The following BCO2 variants were observed in gnomAD, a reference collection of about 807,000 sequenced individuals.
BCO2 encodes the protein carotenoid-cleaving dioxygenase, mitochondrial.
BCO2 carries 56 observed loss-of-function variants against 65.8 expected under a neutral mutation model. The ratio of observed to expected loss-of-function variants is 0.85; its 90% CI spans 0.69 to 1.06. The LOEUF (loss-of-function observed/expected upper bound fraction) is 1.06, where lower values mean the gene tolerates loss of function less well. Among genes scored for constraint, BCO2 ranks in the 50% least tolerant of loss-of-function variants. The pLI, the probability that BCO2 is intolerant of heterozygous loss-of-function variation, is 0.00. For synonymous variants in BCO2, 233 were observed against 242.3 expected (o/e 0.96, Z 0.36); for missense variants, 675 against 698.5 (o/e 0.97, Z 0.38).
intron 8 of BCO2, among the ~76,000 whole-genome samples, chr11:112,205,601 C>T (rs542690706): frequency 1.0e-4 from 15 of 150,614 alleles, no homozygotes; most frequent in African/African-American, 2.7e-4. Context: ...TCTACAGGTG[C>T]GTGGCACCAC....
Position 112,216,200 on chromosome 11 carries a change from G to A in BCO2, c.1516-20G>A. On this transcript the variant is annotated intron_variant, in intron 10 of 11. Coordinates refer to ENST00000357685, the MANE Select transcript of BCO2 (RefSeq NM_031938.7). ...ACTTACTACTTGCCTTTTATCAAAT[G>A]CTTTTTTTGGGACTTGCAGGTTTGG... 1 of 1,573,550 alleles carries A rather than the reference G, an allele frequency of 6.4e-7. No homozygotes were observed. The highest frequency in any genetic ancestry group is 8.7e-7 in the Non-Finnish European group (1 of 1,143,174).
chr11:112,194,284 A>G, intron 4 of BCO2: 2 of 418,502 alleles, frequency 4.8e-6, no homozygotes, highest in Non-Finnish European at 8.6e-6. Context: ...CTTCCTAGCT[A>G]TGGTTAGTAT....
In BCO2 at chr11:112,214,917, G is replaced by A. The variant is rs559068986; in HGVS notation, c.1488G>A (p.Lys496=). Residue 496 remains lysine, a synonymous_variant, in exon 10 of 12, where the codon AAG becomes AAA. Transcript: ENST00000357685. The part of the protein sequence containing the change: ...FRHLVGDSLI[K]VDVVNKTLKV... ...ATTTAGTGGGGGATTCTCTGATCAAGGTTGATGTGGTGAATAAGACACTGA... is the reference window on the plus strand; with the variant it reads ...ATTTAGTGGGGGATTCTCTGATCAAAGTTGATGTGGTGAATAAGACACTGA... 1 of 1,614,146 alleles carries A rather than the reference G, an allele frequency of 6.2e-7. No homozygotes were observed. Among genetic ancestry groups the A allele is most frequent in the South Asian group, 1.1e-5 (1 of 91,084 alleles).
In BCO2 at chr11:112,217,882, A is replaced by G. The variant is rs1859732426; in HGVS notation, c.*8A>G. 1 of 1,575,746 alleles carries G rather than the reference A, an allele frequency of 6.3e-7. No individual in the cohort carries two copies. Among genetic ancestry groups the G allele is most frequent in the Non-Finnish European group, 8.7e-7 (1 of 1,150,444 alleles). On this transcript the variant is annotated 3_prime_UTR_variant, in exon 12 of 12. Transcript: ENST00000357685. ...ACCTTCATACCCATCTGATGGGACA[A>G]CCACAAGGTCTGGAAACTAGGTTTA...
At position 112,182,402 on chromosome 11, in the gene BCO2, C is replaced by G. The variant is rs558413735; in HGVS notation, c.293+2920C>G. Among the ~76,000 whole-genome samples the G allele has an allele frequency of 7.2e-5, 11 of 152,240 alleles. No homozygotes were observed. In the East Asian group the frequency reaches 1.7e-3, roughly 24 times the overall value. On this transcript the variant is annotated intron_variant, in intron 2 of 11. Transcript: ENST00000357685. ...TGCTGCTATAAAGACACATGCACAC[C>G]TATGTTTATTGTGGCACTATTCACA...
At chr11:112,196,658 A>T (rs1197361832) in intron 5 of BCO2, among the ~76,000 whole-genome samples, 1 of 152,204 alleles carries the variant, frequency 6.6e-6, no homozygotes, top group Non-Finnish European at 1.5e-5. Context: ...TTCTCAAAAC[A>T]TATCTATATC....
rs747400349 is a variant in BCO2, at chr11:112,175,622, C to T, written c.21C>T (p.Leu7=). 4 of 1,613,790 alleles carry T rather than the reference C, an allele frequency of 2.5e-6. No individual in the cohort carries two copies. The highest frequency in any genetic ancestry group is 2.2e-5 in the South Asian group (2 of 91,070). The change falls in exon 1 of 12, where the codon CTC becomes CTT. Residue 7 remains leucine, a synonymous_variant. Coordinates refer to ENST00000357685, the MANE Select transcript of BCO2 (RefSeq NM_031938.7). The part of the protein sequence containing the change: MFFRVF[L]HFIRSHSATA... ...CAAAAATGTTTTTTCGAGTCTTTCT[C>T]CATTTTATCAGGAGTCATTCTGCCA...
chr11:112,199,952 C>T (rs1566786984), intron 6 of BCO2, 125 bp downstream of exon 6: 3 of 1,141,294 alleles, frequency 2.6e-6, no homozygotes, highest in Admixed American at 4.5e-5. Flanking sequence ...ACCAAGGTTG[C>T]ATTTTGATGC....
intron 2 of BCO2, among the ~76,000 whole-genome samples, chr11:112,185,980 T>C (rs1371998836): frequency 1.3e-5 from 2 of 152,202 alleles, no homozygotes; most frequent in Non-Finnish European, 2.9e-5. Context: ...TGGTAAATCA[T>C]CATGCCCTTT....
At chr11:112,209,240 C>T (rs1168875846) in intron 8 of BCO2, among the ~76,000 whole-genome samples, 1 of 152,188 alleles carries the variant, frequency 6.6e-6, no homozygotes, top group Non-Finnish European at 1.5e-5. Context: ...TGTGCTCCCC[C>T]ATTCGTCCCT....
chr11:112,217,007 C>A (rs908545054), intron 11 of BCO2, among the ~76,000 whole-genome samples: 1 of 152,218 alleles, frequency 6.6e-6, no homozygotes, highest in African/African-American at 2.4e-5. Context: ...ACTTGCCATT[C>A]CTGGAATTAG....
intron 2 of BCO2, 102 bp from the exon 3 acceptor site, chr11:112,193,372 C>G: frequency 3.6e-6 from 4 of 1,117,084 alleles, no homozygotes; most frequent in Non-Finnish European, 5.2e-6. Flanking sequence ...GAACCTGTCC[C>G]ATTTCCTTAT....
At chr11:112,183,470 C>G (rs988535834) in intron 2 of BCO2, among the ~76,000 whole-genome samples, 1 of 152,066 alleles carries the variant, frequency 6.6e-6, no homozygotes, top group African/African-American at 2.4e-5. Context: ...GTTTTATGAC[C>G]AGGAATAGTA....
intron 10 of BCO2, 50 bp downstream of exon 10, chr11:112,214,994 C>G (rs1159654562): frequency 5.8e-6 from 9 of 1,550,146 alleles, no homozygotes; most frequent in Non-Finnish European, 8.0e-6. Flanking sequence ...CTGTTCTTCC[C>G]TTTGAATTAG....
intron 5 of BCO2, among the ~76,000 whole-genome samples, chr11:112,199,006 C>T (rs927876291): frequency 1.1e-4 from 16 of 151,922 alleles, no homozygotes; most frequent in East Asian, 3.9e-4. Flanking sequence ...ATGTGCAGAA[C>T]GTGCAGGTTT....
intron 8 of BCO2, among the ~76,000 whole-genome samples, chr11:112,206,615 C>T (rs1302616739): frequency 6.6e-6 from 1 of 152,112 alleles, no homozygotes; most frequent in African/African-American, 2.4e-5. Context: ...TAAAAATATA[C>T]AAATTTTGAG....
At chr11:112,201,615 A>G (rs1867736963) in intron 7 of BCO2, among the ~76,000 whole-genome samples, 1 of 151,796 alleles carries the variant, frequency 6.6e-6, no homozygotes, top group Non-Finnish European at 1.5e-5. Flanking sequence ...TCTCATTACA[A>G]AAAAAAATTT....
Position 112,214,859 on chromosome 11 carries a change from A to G in BCO2, c.1430A>G (p.Lys477Arg), listed in dbSNP as rs1241749435. 1 of 1,614,148 alleles carries G rather than the reference A, an allele frequency of 6.2e-7. No homozygotes were observed. Among genetic ancestry groups the G allele is most frequent in the South Asian group, 1.1e-5 (1 of 91,082 alleles). ...QIYYDRFSGKKYHFFYGCGFR... is the reference protein window; with the variant it reads ...QIYYDRFSGKRYHFFYGCGFR... Reference sequence around the variant, plus strand: ...TACTATGATCGATTCAGTGGCAAAAAGTATCATTTCTTTTATGGCTGTGGC... The same window carrying G: ...TACTATGATCGATTCAGTGGCAAAAGGTATCATTTCTTTTATGGCTGTGGC... The change falls in exon 10 of 12, where the codon AAG becomes AGG. Residue 477 changes from lysine (K) to arginine (R), a missense_variant. Transcript: ENST00000357685.
chr11:112,216,369 A>C (rs1328010232), intron 11 of BCO2, 39 bp downstream of exon 11: 2 of 1,468,910 alleles, frequency 1.4e-6, no homozygotes, highest in South Asian at 1.1e-5. Context: ...AAAGAAAAGT[A>C]GCACTGAGTC....
Sources: allele counts gnomAD v4.1 joint callset (sites outside exome capture counted in the v4.1 genomes callset), GRCh38; gene constraint gnomAD v4.1.1; transcripts MANE v1.5; gene names NCBI Gene and HGNC (gene_info 2026-07-23, HGNC 2026-07-21).